Variants in AP3B1 observed in about 807,000 individuals in gnomAD.
AP3B1 encodes the protein adaptor related protein complex 3 subunit beta 1, also known as AP-3 complex subunit beta-1.
AP3B1 carries 61 observed loss-of-function variants against 132.5 expected under a neutral mutation model. The observed-to-expected ratio is 0.46, with a 90% CI of 0.37 to 0.57. The LOEUF is 0.57. Among genes scored for constraint, AP3B1 ranks in the 20% least tolerant of loss-of-function variants. The probability of loss-of-function intolerance (pLI) is 0.00; values close to 1 mark genes in which losing one functional copy is unlikely to be tolerated. For missense variants in AP3B1, 1,120 were observed against 1,289.4 expected, an observed-to-expected ratio of 0.87 and a Z score of 2.01; for synonymous variants, 388 against 438.3, an observed-to-expected ratio of 0.89 and a Z score of 1.43.
At chr5:78,117,412 C>T (rs373286578) in intron 17 of AP3B1, among the ~76,000 whole-genome samples, 1 of 151,412 alleles carries the variant, frequency 6.6e-6, no homozygotes, top group African/African-American at 2.4e-5. Context: ...TAGGTTCAAG[C>T]GATTGTCCTG....
intron 14 of AP3B1, among the ~76,000 whole-genome samples, chr5:78,155,343 T>G (rs1277923570): frequency 6.6e-6 from 1 of 152,320 alleles, no homozygotes; most frequent in African/African-American, 2.4e-5. Flanking sequence ...AATTCAAGAC[T>G]GTCTTTCCTA....
chr5:78,089,260 A>C (rs1750408605), intron 22 of AP3B1, 133 bp downstream of exon 22: 4 of 702,312 alleles, frequency 5.7e-6, no homozygotes, highest in Non-Finnish European at 9.9e-6. Flanking sequence ...AAAAGGTCTT[A>C]GCTAAATTGG....
chr5:78,002,302 T>C (rs781560568), downstream of AP3B1: 1 of 270,950 alleles, frequency 3.7e-6, no homozygotes, highest in Admixed American at 5.2e-5. Context: ...ATTAATAGTT[T>C]CTCATTAAAA....
chr5:78,131,004 AT>A (rs1752663713), intron 15 of AP3B1, among the ~76,000 whole-genome samples: 1 of 151,812 alleles, frequency 6.6e-6, no homozygotes, highest in Non-Finnish European at 1.5e-5. Flanking sequence ...AAATTATATA[AT>A]TTAAAAATTT....
At chr5:78,158,044 C>T (rs780603096) in intron 13 of AP3B1, among the ~76,000 whole-genome samples, 2 of 152,190 alleles carry the variant, frequency 1.3e-5, no homozygotes, top group South Asian at 2.1e-4. Context: ...CCACCATGCC[C>T]GGCCTACTCT....
chr5:78,159,650 T>TC (rs1344358791), intron 13 of AP3B1, among the ~76,000 whole-genome samples: 1 of 152,132 alleles, frequency 6.6e-6, no homozygotes. Flanking sequence ...CCACATAATC[T>TC]CCCCATCTAT....
chr5:78,225,671 C>A (rs942738567), intron 5 of AP3B1, 63 bp from the exon 6 acceptor site: 10 of 1,041,744 alleles, frequency 9.6e-6, no homozygotes, highest in South Asian at 2.8e-5. Context: ...ATGATGCTCA[C>A]CAATTCAAGG....
chr5:78,213,619 G>C (rs971682683), intron 7 of AP3B1, among the ~76,000 whole-genome samples: 1 of 152,018 alleles, frequency 6.6e-6, no homozygotes, highest in African/African-American at 2.4e-5. Flanking sequence ...ATTTTTCCTT[G>C]AATTGAGGTC....
intron 24 of AP3B1, among the ~76,000 whole-genome samples, chr5:78,030,827 C>T (rs1321131680): frequency 6.6e-6 from 1 of 152,012 alleles, no homozygotes; most frequent in East Asian, 1.9e-4. Context: ...CAAGTGTGTG[C>T]CACCATACCT....
chr5:78,177,683 T>C (rs1744205383), intron 8 of AP3B1, among the ~76,000 whole-genome samples: 1 of 151,714 alleles, frequency 6.6e-6, no homozygotes, highest in Admixed American at 6.6e-5. Flanking sequence ...TGAAATGACA[T>C]CATGCTGGTT....
At chr5:78,038,416 A>G (rs1193023448) in intron 23 of AP3B1, among the ~76,000 whole-genome samples, 1 of 152,184 alleles carries the variant, frequency 6.6e-6, no homozygotes, top group East Asian at 1.9e-4. Flanking sequence ...CTTGGGCCAC[A>G]CATAAAATAC....
At chr5:78,261,805 G>A (rs995426325) in intron 2 of AP3B1, among the ~76,000 whole-genome samples, 1 of 149,630 alleles carries the variant, frequency 6.7e-6, no homozygotes, top group African/African-American at 2.5e-5. Flanking sequence ...AAGCTGGAGT[G>A]CAGTGGCATG....
chr5:78,292,835 GT>G (rs570539309), intron 1 of AP3B1, among the ~76,000 whole-genome samples: 3 of 140,104 alleles, frequency 2.1e-5, no homozygotes, highest in Non-Finnish European at 4.7e-5. Flanking sequence ...AGTTTTTTTT[GT>G]TTTTTTTTTC....
chr5:78,249,571 TTC>T (rs1166031231), intron 2 of AP3B1, among the ~76,000 whole-genome samples: 7 of 149,802 alleles, frequency 4.7e-5, no homozygotes, highest in Non-Finnish European at 1.0e-4. Context: ...AATGATTTTT[TTC>T]TTTTTCTTTT....
chr5:78,259,170 C>T (rs1747973931), intron 2 of AP3B1, among the ~76,000 whole-genome samples: 1 of 151,766 alleles, frequency 6.6e-6, no homozygotes, highest in Non-Finnish European at 1.5e-5. Context: ...ATGGTGTGAA[C>T]CCAGGAGGTG....
At chr5:78,278,625 A>AAAAAAAGG (rs1561217252) in intron 1 of AP3B1, among the ~76,000 whole-genome samples, 1 of 52,248 alleles carries the variant, frequency 1.9e-5, no homozygotes, top group African/African-American at 6.1e-5. Context: ...AAAAAAAAAA[A>AAAAAAAGG]GGGGGGGGGG....
At chr5:78,219,039 C>G (rs1746074974) in intron 6 of AP3B1, among the ~76,000 whole-genome samples, 1 of 152,026 alleles carries the variant, frequency 6.6e-6, no homozygotes, top group Admixed American at 6.6e-5. Context: ...AACATTAAAT[C>G]AATAACTTAA....
chr5:78,294,571 G>T lies in AP3B1; in HGVS notation c.9C>A (p.Ser3Arg), dbSNP rs1349109705. 3.7e-6 allele frequency: 6 copies of T among 1,614,144 alleles called. No individual in the cohort carries two copies. The highest frequency in any genetic ancestry group is 5.1e-6 in the Non-Finnish European group (6 of 1,180,052). The change falls in exon 1 of 27, where the codon AGC becomes AGA. Residue 3 changes from serine to arginine, a missense_variant. Ser to Arg is a moderately radical substitution (Grantham distance 110). Around this residue, in one of 3 missense-constraint regions of AP3B1, gnomAD observed 85 missense variants for 79.9 expected, o/e 1.06. Coordinates refer to ENST00000255194, the MANE Select transcript of AP3B1 (RefSeq NM_003664.5). Reference sequence around the variant, plus strand: ...ACTGCTCATTGTAAGGAAAACTATTGCTGGACATTGCCGCGGTGCTGGCGG... The same window carrying T: ...ACTGCTCATTGTAAGGAAAACTATTTCTGGACATTGCCGCGGTGCTGGCGG... MS[S>R]NSFPYNEQSG... is the part of the protein sequence containing the mutation.
At chr5:78,112,065 G>A (rs941532093) in intron 19 of AP3B1, among the ~76,000 whole-genome samples, 1 of 151,992 alleles carries the variant, frequency 6.6e-6, no homozygotes, top group Non-Finnish European at 1.5e-5. Context: ...ACTAAAGGGT[G>A]GTTTTTGAAG....
Sources: gnomAD v4.1 joint callset for allele counts (sites outside exome capture counted in the v4.1 genomes callset) on GRCh38, gnomAD v4.1.1 for gene constraint, gnomAD v4.1.1 regional missense constraint, MANE v1.5 for transcripts, NCBI Gene and HGNC (gene_info 2026-07-23, HGNC 2026-07-21) for gene names.